The following ACSM1 variants were observed in gnomAD, a reference collection of about 807,000 sequenced individuals.
The protein encoded by ACSM1 is acyl-coenzyme A synthetase ACSM1, mitochondrial.
A neutral mutation model predicts 75.8 loss-of-function variants in ACSM1; 79 were observed. The observed-to-expected ratio is 1.04, with a 90% confidence interval of 0.87 to 1.26. ACSM1 has a LOEUF of 1.26. Ranked by LOEUF, ACSM1 falls within the 50% of genes most tolerant of loss-of-function variation. The probability of loss-of-function intolerance (pLI) is 0.00; values close to 1 mark genes in which losing one functional copy is unlikely to be tolerated. For missense variants in ACSM1, 676 were observed against 720.1 expected (o/e 0.94, Z 0.70); for synonymous variants, 279 against 265.8 (o/e 1.05, Z -0.48).
chr16:20,691,760 T>C (rs879537862), intron 1 of ACSM1, among the ~76,000 whole-genome samples: 6,043 of 42,668 alleles, frequency 0.14, 143 homozygotes, highest in Middle Eastern at 0.29. Flanking sequence ...AATGTGTGTG[T>C]GTGTGTGTGT....
intron 1 of ACSM1, among the ~76,000 whole-genome samples, chr16:20,693,323 T>C (rs1349780952): frequency 6.6e-6 from 1 of 152,156 alleles, no homozygotes; most frequent in East Asian, 1.9e-4. Flanking sequence ...TTAAACCTCA[T>C]TGCCCCTTCA....
intron 2 of ACSM1, among the ~76,000 whole-genome samples, chr16:20,687,267 G>A (rs1054473424): frequency 2.6e-5 from 4 of 152,106 alleles, no homozygotes; most frequent in Non-Finnish European, 2.9e-5. Flanking sequence ...CTGCAGGCAC[G>A]TAGGGGAAAG....
intron 1 of ACSM1, among the ~76,000 whole-genome samples, chr16:20,695,554 G>GTCTA (rs3073746): frequency 0.31 from 47,143 of 151,248 alleles, 7,717 homozygotes; most frequent in East Asian, 0.54. Flanking sequence ...CTGATTATCT[G>GTCTA]TCTATCTATC....
chr16:20,676,328 T>C (rs114457444), intron 4 of ACSM1, among the ~76,000 whole-genome samples: 1,976 of 152,220 alleles, frequency 0.013, 45 homozygotes, highest in African/African-American at 0.045. Context: ...TAAAGGCTGG[T>C]AAAAGAAAAA....
intron 4 of ACSM1, among the ~76,000 whole-genome samples, chr16:20,672,371 C>A (rs961427593): frequency 7.2e-6 from 1 of 139,684 alleles, no homozygotes; most frequent in Non-Finnish European, 1.5e-5. Context: ...TAGTTGTGAA[C>A]CTGGGAGGCT....
At chr16:20,625,557 G>C in intron 11 of ACSM1, 35 bp from the exon 12 acceptor site, 1 of 1,590,000 alleles carries the variant, frequency 6.3e-7, no homozygotes, top group Non-Finnish European at 8.6e-7. Context: ...AGATGCCAGG[G>C]CTGGGGTGAA....
intron 5 of ACSM1, among the ~76,000 whole-genome samples, chr16:20,670,589 TCTA>T (rs1324587156): frequency 6.6e-6 from 1 of 152,196 alleles, no homozygotes; most frequent in African/African-American, 2.4e-5. Context: ...AAGTCCAAAA[TCTA>T]CTACAAGGTC....
At chr16:20,664,069 C>G (rs1426320323) in intron 6 of ACSM1, among the ~76,000 whole-genome samples, 1 of 152,064 alleles carries the variant, frequency 6.6e-6, no homozygotes, top group Non-Finnish European at 1.5e-5. Flanking sequence ...ACTCTTGCAA[C>G]AGATTTGGCA....
chr16:20,627,609 T>A (rs1246926224), intron 10 of ACSM1, among the ~76,000 whole-genome samples: 1 of 151,934 alleles, frequency 6.6e-6, no homozygotes, highest in Non-Finnish European at 1.5e-5. Flanking sequence ...GGTGGGTGGA[T>A]CATGAGGTCA....
At chr16:20,657,501 G>T (rs1301310438) in intron 7 of ACSM1, among the ~76,000 whole-genome samples, 1 of 151,912 alleles carries the variant, frequency 6.6e-6, no homozygotes, top group East Asian at 1.9e-4. Context: ...TAGAGACAGG[G>T]TTTCACAATG....
At chr16:20,697,420 A>C (rs1221573599) in intron 1 of ACSM1, among the ~76,000 whole-genome samples, 2 of 152,076 alleles carry the variant, frequency 1.3e-5, no homozygotes. Flanking sequence ...AACATATTAC[A>C]TGTACGTTCC....
At chr16:20,669,536 C>T (rs1350006702) in intron 6 of ACSM1, among the ~76,000 whole-genome samples, 2 of 151,688 alleles carry the variant, frequency 1.3e-5, no homozygotes, top group Middle Eastern at 3.2e-3. Flanking sequence ...GAGACTTGGA[C>T]TTGTGCTTGC....
chr16:20,683,715 C>CTCTTTCTTTCTTTCTTTCTTTCTT, intron 3 of ACSM1, among the ~76,000 whole-genome samples: 1 of 136,310 alleles, frequency 7.3e-6, no homozygotes, highest in Non-Finnish European at 1.5e-5. Flanking sequence ...CTCTCTCTCT[C>CTCTTTCTTTCTTTCTTTCTTTCTT]TCTTTCTTTC....
intron 5 of ACSM1, among the ~76,000 whole-genome samples, 183 bp downstream of exon 5, chr16:20,671,348 C>A (rs1352423981): frequency 6.6e-6 from 1 of 151,884 alleles, no homozygotes. Context: ...GGATTCCCAG[C>A]CTTCACCTCT....
intron 7 of ACSM1, among the ~76,000 whole-genome samples, chr16:20,645,862 A>G (rs2018331152): frequency 6.6e-6 from 1 of 152,220 alleles, no homozygotes; most frequent in Non-Finnish European, 1.5e-5. Context: ...AATACAAGGA[A>G]AGGAAGAAAA....
chr16:20,685,084 G>T (rs2079522349), intron 3 of ACSM1, 109 bp downstream of exon 3: 3 of 1,161,614 alleles, frequency 2.6e-6, no homozygotes, highest in Non-Finnish European at 3.8e-6. Flanking sequence ...TGGGGCGAAG[G>T]CTTCAAAGCT....
intron 3 of ACSM1, among the ~76,000 whole-genome samples, chr16:20,683,928 A>C (rs2079500477): frequency 6.6e-6 from 1 of 152,018 alleles, no homozygotes; most frequent in Non-Finnish European, 1.5e-5. Flanking sequence ...TTTCATCTCT[A>C]TACTCCTTCC....
intron 10 of ACSM1, among the ~76,000 whole-genome samples, chr16:20,630,367 G>A (rs953465786): frequency 3.3e-5 from 5 of 152,116 alleles, no homozygotes; most frequent in Admixed American, 6.6e-5. Flanking sequence ...GATTACAGGC[G>A]TGAGCCACGA....
At chr16:20,663,066 C>T (rs2019379598) in intron 6 of ACSM1, among the ~76,000 whole-genome samples, 1 of 152,122 alleles carries the variant, frequency 6.6e-6, no homozygotes, top group African/African-American at 2.4e-5. Context: ...CCCCTTGTGG[C>T]CTTTGGGACA....
Sources: allele counts gnomAD v4.1 joint callset (sites outside exome capture counted in the v4.1 genomes callset), GRCh38; gene constraint gnomAD v4.1.1; transcripts MANE v1.5; gene names NCBI Gene and HGNC (gene_info 2026-07-23, HGNC 2026-07-21).